Variants in SSH2 observed in about 807,000 individuals in gnomAD.
SSH2 encodes slingshot protein phosphatase 2, also known as protein phosphatase Slingshot homolog 2.
Under a neutral mutation model 135.2 loss-of-function variants are expected in SSH2, and 37 were observed. That is an observed-to-expected ratio of 0.27 (90% CI 0.21 to 0.36). The LOEUF is 0.36. SSH2 is among the 10% of genes least tolerant of loss of function. The pLI is 1.00. For synonymous variants in SSH2, 628 were observed against 646.2 expected, an observed-to-expected ratio of 0.97 and a Z score of 0.43; for missense variants, 1,408 against 1,765.3, an observed-to-expected ratio of 0.80 and a Z score of 3.63.
At chr17:29,708,763 C>G (rs532430786) in intron 3 of SSH2, among the ~76,000 whole-genome samples, 1 of 151,064 alleles carries the variant, frequency 6.6e-6, no homozygotes, top group Non-Finnish European at 1.5e-5. Context: ...AATATAACCC[C>G]GAAGGACTTA....
chr17:29,826,343 A>G (rs1191832612), intron 2 of SSH2, among the ~76,000 whole-genome samples: 1 of 152,216 alleles, frequency 6.6e-6, no homozygotes, highest in Admixed American at 6.5e-5. Flanking sequence ...CGAAACAGTC[A>G]CATGACCATG....
intron 3 of SSH2, among the ~76,000 whole-genome samples, chr17:29,792,917 G>C (rs925078186): frequency 6.6e-6 from 1 of 151,990 alleles, no homozygotes; most frequent in African/African-American, 2.4e-5. Context: ...CTCGTGATCC[G>C]CCTGCCTCGG....
At chr17:29,784,215 C>A (rs558702220) in intron 3 of SSH2, among the ~76,000 whole-genome samples, 36 of 151,378 alleles carry the variant, frequency 2.4e-4, no homozygotes, top group African/African-American at 8.0e-4. Context: ...GGTTAAACCC[C>A]ATCTCTACTA....
intron 1 of SSH2, among the ~76,000 whole-genome samples, chr17:29,895,298 A>C (rs1272737560): frequency 9.3e-6 from 1 of 108,096 alleles, no homozygotes; most frequent in African/African-American, 3.7e-5. Context: ...TATACATTTT[A>C]TATATGAAAT....
In SSH2 at chr17:29,761,436, G is replaced by T. The variant is rs1047861911; in HGVS notation, c.188+32458C>A. ...GCTCGGCGGTAGAGTCCGGACTGAC[G>T]GGCGTCGCCAGCAGTTCGCCCCCAC... On this transcript the variant is annotated intron_variant, in intron 3 of 15. Coordinates refer to ENST00000540801, the MANE Select transcript of SSH2 (RefSeq NM_001282129.2). 1.3e-5 allele frequency: 13 copies of T among 1,004,594 alleles called. No homozygotes were observed. The South Asian group carries it at 3.2e-4, about 25-fold the overall frequency. 62.2% of individuals were successfully genotyped at this position (1,004,594 alleles called of 1,614,324 possible).
intron 1 of SSH2, among the ~76,000 whole-genome samples, chr17:29,918,937 AT>A (rs1023791425): frequency 4.0e-5 from 6 of 151,700 alleles, no homozygotes; most frequent in Non-Finnish European, 5.9e-5. Flanking sequence ...ACCGTCTCAA[AT>A]AAAAAAAAAA....
chr17:29,900,335 G>A (rs1376936462), intron 1 of SSH2, among the ~76,000 whole-genome samples: 1 of 152,070 alleles, frequency 6.6e-6, no homozygotes, highest in African/African-American at 2.4e-5. Context: ...TACCATCAGA[G>A]TGAACAGGCA....
At chr17:29,648,077 G>A (rs2036448895) in intron 14 of SSH2, 67 bp downstream of exon 14, 5 of 1,425,944 alleles carry the variant, frequency 3.5e-6, no homozygotes, top group Admixed American at 1.7e-5. Flanking sequence ...TAGCTACAGA[G>A]AAGGACACTT....
chr17:29,894,598 G>A (rs2066409108), intron 1 of SSH2, among the ~76,000 whole-genome samples: 1 of 151,274 alleles, frequency 6.6e-6, no homozygotes. Flanking sequence ...TTTTTATTGG[G>A]GTTTTCCCAA....
intron 1 of SSH2, among the ~76,000 whole-genome samples, chr17:29,853,763 G>A (rs2065610292): frequency 6.6e-6 from 1 of 151,644 alleles, no homozygotes; most frequent in Admixed American, 6.6e-5. Context: ...CGATCTATTA[G>A]GGTTGTTGGA....
At chr17:29,796,074 T>G (rs1162948290) in intron 2 of SSH2, among the ~76,000 whole-genome samples, 1 of 152,142 alleles carries the variant, frequency 6.6e-6, no homozygotes, top group Non-Finnish European at 1.5e-5. Context: ...AAATATTATA[T>G]AAGAATATGT....
chr17:29,682,441 A>C (rs1200413788), intron 6 of SSH2, among the ~76,000 whole-genome samples: 3 of 152,234 alleles, frequency 2.0e-5, no homozygotes, highest in Admixed American at 1.3e-4. Context: ...TTGAAATGTG[A>C]CTAGTTAGAA....
At chr17:29,731,032 C>G (rs1489276927) in intron 3 of SSH2, among the ~76,000 whole-genome samples, 2 of 152,156 alleles carry the variant, frequency 1.3e-5, no homozygotes, top group Non-Finnish European at 2.9e-5. Context: ...AGTAGGTACA[C>G]ATTTGGCTAA....
chr17:29,814,869 A>G (rs1241184405), intron 2 of SSH2, among the ~76,000 whole-genome samples: 1 of 151,984 alleles, frequency 6.6e-6, no homozygotes, highest in Non-Finnish European at 1.5e-5. Flanking sequence ...ACTTCCTACA[A>G]TGATCATATA....
At chr17:29,761,055 T>A in intron 3 of SSH2, 1 of 1,236,548 alleles carries the variant, frequency 8.1e-7, no homozygotes, top group Non-Finnish European at 1.1e-6. Flanking sequence ...CGCCCTCGCT[T>A]GATTGTTTGC....
At chr17:29,872,864 C>T (rs557255301) in intron 1 of SSH2, among the ~76,000 whole-genome samples, 21 of 151,862 alleles carry the variant, frequency 1.4e-4, no homozygotes, top group East Asian at 1.9e-4. Flanking sequence ...GGCGTGGTGC[C>T]GCGTGCCTAT....
At chr17:29,764,968 T>C (rs1426374769) in intron 3 of SSH2, among the ~76,000 whole-genome samples, 1 of 152,212 alleles carries the variant, frequency 6.6e-6, no homozygotes. Context: ...ATGTTTTTGC[T>C]GCTGTGACAA....
chr17:29,708,539 G>A (rs1389431498), intron 3 of SSH2, among the ~76,000 whole-genome samples: 8 of 149,386 alleles, frequency 5.4e-5, no homozygotes, highest in Non-Finnish European at 7.4e-5. Context: ...GCAGTGAGCC[G>A]AGATTGTGCC....
intron 9 of SSH2, among the ~76,000 whole-genome samples, chr17:29,667,759 T>C (rs1163870004): frequency 6.6e-6 from 1 of 152,180 alleles, no homozygotes; most frequent in African/African-American, 2.4e-5. Flanking sequence ...TATCCTTTTC[T>C]ATAGGGAGAG....
Sources: allele counts gnomAD v4.1 joint callset (sites outside exome capture counted in the v4.1 genomes callset), GRCh38; gene constraint gnomAD v4.1.1; transcripts MANE v1.5; gene names NCBI Gene and HGNC (gene_info 2026-07-23, HGNC 2026-07-21).